DNAI4: variants seen among roughly 807,000 people sequenced by gnomAD.
DNAI4 encodes WD repeat domain 78.
In DNAI4, 85 loss-of-function variants were observed where a neutral mutation model predicts 105.8. The ratio of observed to expected loss-of-function variants is 0.80; its 90% CI spans 0.67 to 0.96. The LOEUF (loss-of-function observed/expected upper bound fraction) is 0.96. Among genes scored for constraint, DNAI4 ranks in the 40% least tolerant of loss-of-function variants. DNAI4 has a pLI of 0.00. For missense variants in DNAI4, 1,014 were observed against 1,005.6 expected, an observed-to-expected ratio of 1.01 and a Z score of -0.11; for synonymous variants, 352 against 331.5, an observed-to-expected ratio of 1.06 and a Z score of -0.67.
chr1:66,871,500 G>T lies in DNAI4; in HGVS notation c.810C>A (p.Asn270Lys). 2 of 1,585,208 alleles carry T rather than the reference G, an allele frequency of 1.3e-6. No homozygotes were observed. Among genetic ancestry groups the T allele is most frequent in the Non-Finnish European group, 1.7e-6 (2 of 1,168,732 alleles). ...SEEAEKVTQR[N>K]KNYEVLCRNR... is the part of the protein sequence containing the mutation. Reference sequence around the variant, plus strand: ...TTCTACAAAGGACTTCATAATTCTTGTTTCTCTGACTGTAAAAAATAAAGT... The same window carrying T: ...TTCTACAAAGGACTTCATAATTCTTTTTTCTCTGACTGTAAAAAATAAAGT... The change falls in exon 6 of 17, where the codon AAC becomes AAA. Residue 270 changes from asparagine (N) to lysine (K), a missense_variant. Transcript: ENST00000371026.
intron 7 of DNAI4, among the ~76,000 whole-genome samples, chr1:66,859,669 G>A (rs936229562): frequency 1.3e-5 from 2 of 152,102 alleles, no homozygotes; most frequent in Non-Finnish European, 2.9e-5. Context: ...AGGCTTAAGT[G>A]CATATCGTTT....
chr1:66,895,461 C>A (rs576082972), intron 2 of DNAI4, among the ~76,000 whole-genome samples: 1 of 152,120 alleles, frequency 6.6e-6, no homozygotes, highest in East Asian at 1.9e-4. Context: ...CAGAGCAAGA[C>A]TCATCTCTAA....
intron 10 of DNAI4, among the ~76,000 whole-genome samples, chr1:66,836,140 A>AAAAGAAAGAAAGAAAGAAAGAAAG (rs1165479234): frequency 1.0e-5 from 1 of 96,008 alleles, no homozygotes; most frequent in Admixed American, 1.2e-4. Flanking sequence ...AGAAAGAAAG[A>AAAAGAAAGAAAGAAAGAAAGAAAG]AAAGAAAGAA....
intron 6 of DNAI4, among the ~76,000 whole-genome samples, chr1:66,863,541 C>T (rs191974701): frequency 1.3e-5 from 2 of 152,184 alleles, no homozygotes; most frequent in Non-Finnish European, 2.9e-5. Flanking sequence ...TCACTGCAAC[C>T]TATGTGTCCC....
chr1:66,862,213 T>C lies in DNAI4; in HGVS notation c.1030A>G (p.Ser344Gly), dbSNP rs1646641404. 3 of 1,608,512 alleles carry C rather than the reference T, an allele frequency of 1.9e-6. No individual in the cohort carries two copies. Among genetic ancestry groups the C allele is most frequent in the African/African-American group, 1.3e-5 (1 of 74,594 alleles). Residue 344 changes from serine (S) to glycine (G), a missense_variant, in exon 7 of 17, where the codon AGT becomes GGT. Coordinates refer to ENST00000371026, the MANE Select transcript of DNAI4 (RefSeq NM_024763.5). The part of the protein sequence containing the change: ...LSVKQSVVES[S>G]SKANVLPKDQ... The stretch of plus-strand genomic sequence containing the variant: ...TTAGGAAGTACATTTGCTTTACTAC[T>C]TGACTCAACCACAGATTGTTTTACT...
intron 6 of DNAI4, among the ~76,000 whole-genome samples, chr1:66,866,798 C>A (rs976241339): frequency 3.3e-5 from 5 of 152,174 alleles, no homozygotes; most frequent in Admixed American, 1.3e-4. Flanking sequence ...TTGTATTAGT[C>A]CATTTTCATG....
chr1:66,842,071 C>T (rs524546), intron 8 of DNAI4, among the ~76,000 whole-genome samples: 151,081 of 152,344 alleles, frequency 0.99, 74,920 homozygotes, highest in Middle Eastern at 1. Context: ...GTTATATAGT[C>T]GGAATCACAC....
At chr1:66,828,520 T>C (rs1572601557) in intron 13 of DNAI4, 1 of 152,314 alleles carries the variant, frequency 6.6e-6, no homozygotes, top group Non-Finnish European at 1.5e-5. Flanking sequence ...TTCCTAATTA[T>C]GTGAATATCA....
At chr1:66,906,745 T>C (rs1461769415) in intron 1 of DNAI4, among the ~76,000 whole-genome samples, 1 of 152,100 alleles carries the variant, frequency 6.6e-6, no homozygotes, top group African/African-American at 2.4e-5. Context: ...ATTCTCCTTC[T>C]ATCTCTAAGG....
chr1:66,870,383 A>G (rs1468441842), intron 6 of DNAI4, among the ~76,000 whole-genome samples: 1 of 150,874 alleles, frequency 6.6e-6, no homozygotes, highest in Non-Finnish European at 1.5e-5. Context: ...CGGAGGTTGC[A>G]GTGAGCCAAG....
intron 1 of DNAI4, among the ~76,000 whole-genome samples, chr1:66,907,301 TG>T (rs1291106749): frequency 6.6e-6 from 1 of 152,222 alleles, no homozygotes; most frequent in African/African-American, 2.4e-5. Context: ...TCTAATCACC[TG>T]ACCTTTCCAT....
chr1:66,877,485 T>G (rs1165908360), intron 4 of DNAI4, among the ~76,000 whole-genome samples: 2 of 152,194 alleles, frequency 1.3e-5, no homozygotes, highest in East Asian at 3.8e-4. Flanking sequence ...GTAAACTTTG[T>G]ATTTTAGAAT....
At chr1:66,892,174 AT>A (rs1460067274) in intron 3 of DNAI4, among the ~76,000 whole-genome samples, 2 of 152,276 alleles carry the variant, frequency 1.3e-5, no homozygotes, top group South Asian at 2.1e-4. Flanking sequence ...TTTTGTTCCT[AT>A]TTATAGTCTC....
chr1:66,889,632 C>T (rs1364729835), intron 4 of DNAI4, among the ~76,000 whole-genome samples: 1 of 152,122 alleles, frequency 6.6e-6, no homozygotes, highest in Non-Finnish European at 1.5e-5. Context: ...TTTTTCCAAC[C>T]TTATATCTTC....
At chr1:66,853,297 T>C (rs1194219054) in intron 7 of DNAI4, among the ~76,000 whole-genome samples, 6 of 152,212 alleles carry the variant, frequency 3.9e-5, no homozygotes, top group African/African-American at 1.2e-4. Flanking sequence ...GGTTTATGGA[T>C]TGACGAGCTT....
chr1:66,895,781 C>T (rs532363562), intron 2 of DNAI4, among the ~76,000 whole-genome samples: 2 of 152,262 alleles, frequency 1.3e-5, no homozygotes, highest in South Asian at 4.1e-4. Context: ...CAGATACTTT[C>T]TGTCTATATT....
chr1:66,833,696 T>C lies in DNAI4; in HGVS notation c.1902A>G (p.Arg634=), dbSNP rs757946023. The change falls in exon 13 of 17, where the codon CGA becomes CGG. Residue 634 remains arginine, a synonymous_variant. Transcript: ENST00000371026. Reference sequence around the variant, plus strand: ...TACTGGCAGCTGTAGTTCTCTTTAATCGCATCAAATCTGTATTTAAAGAAA... The same window carrying C: ...TACTGGCAGCTGTAGTTCTCTTTAACCGCATCAAATCTGTATTTAAAGAAA... ...RKGLDCYDLM[R]LKRTTAASNK... is the part of the protein sequence containing the mutation. 8.1e-6 allele frequency: 13 copies of C among 1,611,936 alleles called. No individual in the cohort carries two copies. The highest frequency in any genetic ancestry group is 1.0e-5 in the Non-Finnish European group (12 of 1,179,234).
chr1:66,922,378 C>T (rs1350806882), intron 1 of DNAI4, among the ~76,000 whole-genome samples: 1 of 152,024 alleles, frequency 6.6e-6, no homozygotes, highest in African/African-American at 2.4e-5. Flanking sequence ...GCACAATATT[C>T]CAAAAAACTG....
rs1193331109 is a variant in DNAI4 at position 66,907,148 on chromosome 1, G to A, written c.171-1773C>T. ...TCTTAAAATGTTAGTCAGTAATACTGCCTACTACATGACTTCTCTTTTTGC... is the reference window on the plus strand; with the variant it reads ...TCTTAAAATGTTAGTCAGTAATACTACCTACTACATGACTTCTCTTTTTGC... On this transcript the variant is annotated intron_variant, in intron 1 of 16. Transcript: ENST00000371026. The A allele has an allele frequency of 2.0e-5, 3 of 151,820 alleles. No homozygotes were observed. In the East Asian group the frequency reaches 5.8e-4, roughly 29 times the overall value. 9.4% of individuals were successfully genotyped at this position (151,820 alleles called of 1,614,324 possible).
Sources: gnomAD v4.1 joint callset for allele counts (sites outside exome capture counted in the v4.1 genomes callset) on GRCh38, gnomAD v4.1.1 for gene constraint, MANE v1.5 for transcripts, NCBI Gene and HGNC (gene_info 2026-07-23, HGNC 2026-07-21) for gene names.